The following TMEM151B variants were observed in gnomAD, a reference collection of about 807,000 sequenced individuals.
The protein encoded by TMEM151B is transmembrane protein 193.
TMEM151B carries 18 observed loss-of-function variants against 33.0 expected under a neutral mutation model. The observed-to-expected ratio is 0.55, with a 90% CI of 0.38 to 0.81. The LOEUF is 0.81. Ranked by LOEUF, TMEM151B falls within the 30% of genes least tolerant of loss-of-function variation. The probability of loss-of-function intolerance (pLI) is 0.00; values close to 1 mark genes in which losing one functional copy is unlikely to be tolerated. For synonymous variants in TMEM151B, 354 were observed against 373.6 expected (o/e 0.95, Z 0.61); for missense variants, 672 against 843.4 (o/e 0.80, Z 2.52).
At position 44,270,874 on chromosome 6, in the gene TMEM151B, G is replaced by A; in HGVS notation, c.132G>A (p.Glu44=). 2 of 1,092,708 alleles carry A rather than the reference G, an allele frequency of 1.8e-6. No homozygotes were observed. Among genetic ancestry groups the A allele is most frequent in the South Asian group, 4.3e-5 (1 of 23,112 alleles). 67.7% of individuals were successfully genotyped at this position (1,092,708 alleles called of 1,614,324 possible). The change falls in exon 1 of 3, where the codon GAG becomes GAA. Residue 44 remains glutamate (E), a synonymous_variant. Transcript: ENST00000451188. ...CGGCGGACGAGGGCCCCGCCCGAGA[G>A]GAGGTGAGAGTCTAGGGCGCCCCTT... ...AAAADEGPAR[E]EQRPIQPSFT... is the part of the protein sequence containing the mutation.
At chr6:44,275,301 C>G in intron 2 of TMEM151B, 102 bp from the exon 3 acceptor site, 2 of 1,431,168 alleles carry the variant, frequency 1.4e-6, no homozygotes, top group East Asian at 5.1e-5. Flanking sequence ...AGGGTCCGAC[C>G]AGGCAACCAG....
Position 44,276,065 on chromosome 6 carries a change from C to T in TMEM151B, c.1239C>T (p.Cys413=). 1 of 1,339,608 alleles carries T rather than the reference C, an allele frequency of 7.5e-7. No individual in the cohort carries two copies. The highest frequency in any genetic ancestry group is 9.5e-7 in the Non-Finnish European group (1 of 1,052,490). The allele number at this position is 1,339,608 out of a possible 1,614,324, so 83.0% of individuals were successfully genotyped here. A position where few individuals can be genotyped will look rare whatever the true frequency, so the allele number is the denominator to read the frequency against. Residue 413 remains cysteine (C), a synonymous_variant, in exon 3 of 3, where the codon TGC becomes TGT. Transcript: ENST00000451188. ...CAGGCGGCGGCTACGCGCCCTCGTG[C>T]CGCTACGGTGGGGTAGGCGGCCCGG... ...GGAGGGYAPS[C]RYGGVGGPGA...
chr6:44,276,220 G>C lies in TMEM151B; in HGVS notation c.1394G>C (p.Gly465Ala). 5 of 1,291,558 alleles carry C rather than the reference G, an allele frequency of 3.9e-6. No homozygotes were observed. Among genetic ancestry groups the C allele is most frequent in the East Asian group, 3.2e-5 (1 of 31,724 alleles). The allele number at this position is 1,291,558 out of a possible 1,614,324, so 80.0% of individuals were successfully genotyped here. Residue 465 changes from glycine to alanine, a missense_variant, in exon 3 of 3, where the codon GGG becomes GCG. Gly to Ala is a moderately conservative substitution (Grantham distance 60). Coordinates refer to ENST00000451188, the MANE Select transcript of TMEM151B (RefSeq NM_001137560.2). ...CCGCGGGCCGGCCCGGGGCCCGGTG[G>C]GGGCGCGGGCTGCGGGGGCAGCCGC... ...ASPRAGPGPG[G>A]GAGCGGSRFS...
chr6:44,276,581 G>C lies in TMEM151B; in HGVS notation c.*54G>C. The C allele has an allele frequency of 7.6e-7, 1 of 1,319,562 alleles. No individual in the cohort carries two copies. The highest frequency in any genetic ancestry group is 9.7e-7 in the Non-Finnish European group (1 of 1,034,044). 81.7% of individuals were successfully genotyped at this position (1,319,562 alleles called of 1,614,324 possible). A position where few individuals can be genotyped will look rare whatever the true frequency, so the allele number is the denominator to read the frequency against. Reference sequence around the variant, plus strand: ...CCTCCCGCCTGCCCCTCGCCGGACTGTGCTCCCTCTGCGACGCAGGGCGAG... The same window carrying C: ...CCTCCCGCCTGCCCCTCGCCGGACTCTGCTCCCTCTGCGACGCAGGGCGAG... On this transcript the variant is annotated 3_prime_UTR_variant, in exon 3 of 3. Coordinates refer to ENST00000451188, the MANE Select transcript of TMEM151B (RefSeq NM_001137560.2).
rs1782648174 is a variant in TMEM151B, at chr6:44,277,706, A to G, written c.*1179A>G. The G allele has an allele frequency of 6.6e-6, 1 of 152,190 alleles. No individual in the cohort carries two copies. The allele number at this position is 152,190 out of a possible 1,614,324, so 9.4% of individuals were successfully genotyped here. ...GCAGGGTCAGAGGCAAGCATTCTCT[A>G]AATCTTGCCCAACCCTTCCATCCTT... On this transcript the variant is annotated 3_prime_UTR_variant, in exon 3 of 3. Transcript: ENST00000451188.
Position 44,273,165 on chromosome 6 carries a change from G to T in TMEM151B, c.235G>T (p.Val79Leu). Residue 79 changes from valine (V) to leucine (L), a missense_variant, in exon 2 of 3, where the codon GTG (valine) becomes TTG (leucine). Coordinates refer to ENST00000451188, the MANE Select transcript of TMEM151B (RefSeq NM_001137560.2). ...SLLMYGCLGA[V>L]AWCHVTTVTR... ...GCTCATGTACGGCTGCCTGGGGGCA[G>T]TGGCCTGGTGCCACGTCACCACAGT... is the stretch of plus-strand genomic sequence containing the variant. The T allele has an allele frequency of 6.5e-7, 1 of 1,545,624 alleles. No individual in the cohort carries two copies.
At chr6:44,274,493 G>A (rs1280265729) in intron 2 of TMEM151B, among the ~76,000 whole-genome samples, 1 of 152,184 alleles carries the variant, frequency 6.6e-6, no homozygotes, top group African/African-American at 2.4e-5. Context: ...AGACATATTG[G>A]GGTCCTGGAG....
At chr6:44,272,570 A>T (rs1264238099) in intron 1 of TMEM151B, among the ~76,000 whole-genome samples, 1 of 152,044 alleles carries the variant, frequency 6.6e-6, no homozygotes, top group Non-Finnish European at 1.5e-5. Context: ...TTAAGTGGGG[A>T]AGTGATGTCA....
chr6:44,275,726 G>A lies in TMEM151B; in HGVS notation c.900G>A (p.Ser300=), dbSNP rs3734709. ...PARPPWYACS[S]AFWAAALLTL... is the part of the protein sequence containing the mutation. ...GGCCGCCCTGGTACGCCTGCTCGTC[G>A]GCCTTCTGGGCCGCGGCGCTGCTCA... Residue 300 remains serine, a synonymous_variant, in exon 3 of 3, where the codon TCG becomes TCA. Coordinates refer to ENST00000451188, the MANE Select transcript of TMEM151B (RefSeq NM_001137560.2). 71,292 of 1,548,462 alleles carry A rather than the reference G, an allele frequency of 0.046. 2,370 individuals are homozygous for A. The highest frequency in any genetic ancestry group is 0.19 in the East Asian group (7,926 of 40,844).
chr6:44,271,880 T>TTGTGTGTGTGTGTGTGTGTGTGTG (rs58355560), intron 1 of TMEM151B, among the ~76,000 whole-genome samples: 173 of 148,232 alleles, frequency 1.2e-3, no homozygotes, highest in African/African-American at 4.2e-3. Flanking sequence ...CAGCAGGAGG[T>TTGTGTGTGTGTGTGTGTGTGTGTG]TGTGTGTGTG....
Position 44,277,435 on chromosome 6 carries a change from T to C in TMEM151B, c.*908T>C, listed in dbSNP as rs578033991. 2 of 151,754 alleles carry C rather than the reference T, an allele frequency of 1.3e-5. No homozygotes were observed. Among genetic ancestry groups the C allele is most frequent in the East Asian group, 3.9e-4 (2 of 5,152 alleles). 9.4% of individuals were successfully genotyped at this position (151,754 alleles called of 1,614,324 possible). A position where few individuals can be genotyped will look rare whatever the true frequency, so the allele number is the denominator to read the frequency against. On this transcript the variant is annotated 3_prime_UTR_variant, in exon 3 of 3. Coordinates refer to ENST00000451188, the MANE Select transcript of TMEM151B (RefSeq NM_001137560.2). The stretch of plus-strand genomic sequence containing the variant: ...ACTCGTTAAAGCTGGCCAGCACGAG[T>C]GACTAAGGGGAGAGAGCATGACATA...
Position 44,277,905 on chromosome 6 carries a change from G to C in TMEM151B, c.*1378G>C, listed in dbSNP as rs915573295. On this transcript the variant is annotated 3_prime_UTR_variant, in exon 3 of 3. Transcript: ENST00000451188. ...CTGATGTGCTTCAGTGTGCATGTCT[G>C]TGAACAGCCCTCCTGCCCTGCCAAC... The C allele has an allele frequency of 3.9e-5, 6 of 152,700 alleles. No homozygotes were observed. The highest frequency in any genetic ancestry group is 1.2e-4 in the African/African-American group (5 of 41,434). The allele number at this position is 152,700 out of a possible 1,614,324, so 9.5% of individuals were successfully genotyped here. A position where few individuals can be genotyped will look rare whatever the true frequency, so the allele number is the denominator to read the frequency against.
At chr6:44,271,031 C>G (rs1237948064) in intron 1 of TMEM151B, among the ~76,000 whole-genome samples, 154 bp downstream of exon 1, 1 of 149,138 alleles carries the variant, frequency 6.7e-6, no homozygotes, top group Non-Finnish European at 1.5e-5. Context: ...CCGCCCCCAC[C>G]CGGCGGCCGG....
Position 44,276,348 on chromosome 6 carries a change from T to C in TMEM151B, c.1522T>C (p.Ser508Pro). The change falls in exon 3 of 3, where the codon TCC (serine) becomes CCC (proline). Residue 508 changes from serine (S) to proline (P), a missense_variant. Transcript: ENST00000451188. ...CTGCCCCACGGAGCAGACGCGGCTG[T>C]CCAGCCAGGCCAGCATGGGGGACGA... Reference protein sequence around the residue: ...ASCPTEQTRLSSQASMGDDED... With the variant: ...ASCPTEQTRLPSQASMGDDED... 6.7e-7 allele frequency: 1 copy of C among 1,497,392 alleles called. No individual in the cohort carries two copies. The highest frequency in any genetic ancestry group is 8.9e-7 in the Non-Finnish European group (1 of 1,128,256). The allele number at this position is 1,497,392 out of a possible 1,614,324, so 92.8% of individuals were successfully genotyped here. A position where few individuals can be genotyped will look rare whatever the true frequency, so the allele number is the denominator to read the frequency against.
chr6:44,270,729 G>A lies in TMEM151B; in HGVS notation c.-14G>A. 1.9e-6 allele frequency: 2 copies of A among 1,069,426 alleles called. No individual in the cohort carries two copies. Among genetic ancestry groups the A allele is most frequent in the Non-Finnish European group, 2.3e-6 (2 of 871,222 alleles). The allele number at this position is 1,069,426 out of a possible 1,614,324, so 66.2% of individuals were successfully genotyped here. On this transcript the variant is annotated 5_prime_UTR_variant, in exon 1 of 3. Transcript: ENST00000451188. The stretch of plus-strand genomic sequence containing the variant: ...CCCCGGGAGGTCCTGAGCTCGACGC[G>A]CCCCCTCTACGCCATGTCCCCCCCT...
rs1329556213 is a variant in TMEM151B, at chr6:44,273,250, C to T, written c.320C>T (p.Pro107Leu). ...AACAGCCTCATGTACCATGACAGCCCCTGCTCCAACGGCTATGTCTACATC... is the reference window on the plus strand; with the variant it reads ...AACAGCCTCATGTACCATGACAGCCTCTGCTCCAACGGCTATGTCTACATC... Reference protein sequence around the residue: ...QGNSLMYHDSPCSNGYVYIPL... With the variant: ...QGNSLMYHDSLCSNGYVYIPL... Residue 107 changes from proline to leucine, a missense_variant, in exon 2 of 3, where the codon CCC (proline) becomes CTC (leucine). Pro to Leu is a moderately conservative substitution (Grantham distance 98). This residue lies in a region of TMEM151B where 285 missense variants were observed against 423.1 expected (regional missense o/e 0.67). Transcript: ENST00000451188. 6.4e-7 allele frequency: 1 copy of T among 1,551,684 alleles called. No individual in the cohort carries two copies. Among genetic ancestry groups the T allele is most frequent in the Non-Finnish European group, 8.7e-7 (1 of 1,146,926 alleles).
Position 44,271,007 on chromosome 6 carries a change from C to G in TMEM151B, c.135+130C>G, listed in dbSNP as rs956416654. ...CGCACCCCGAGCCGGCCGCTGCAGC[C>G]GCAGTCCGCGCCGCCGCCCCCACCC... On this transcript the variant is annotated intron_variant, in intron 1 of 2. Transcript: ENST00000451188. 7 of 598,336 alleles carry G rather than the reference C, an allele frequency of 1.2e-5. No individual in the cohort carries two copies. In the African/African-American group the frequency reaches 1.2e-4, roughly 10 times the overall value. 37.1% of individuals were successfully genotyped at this position (598,336 alleles called of 1,614,324 possible).
At chr6:44,271,880 T>TTGTG (rs58355560) in intron 1 of TMEM151B, among the ~76,000 whole-genome samples, 23,114 of 147,958 alleles carry the variant, frequency 0.16, 1,881 homozygotes, top group Non-Finnish European at 0.18. Context: ...CAGCAGGAGG[T>TTGTG]TGTGTGTGTG....
rs1168269355 is a variant in TMEM151B, at chr6:44,276,182, C to T, written c.1356C>T (p.Ser452=). 1.3e-5 allele frequency: 17 copies of T among 1,298,602 alleles called. No individual in the cohort carries two copies. The Admixed American group carries it at 7.2e-4, about 55-fold the overall frequency. The allele number at this position is 1,298,602 out of a possible 1,614,324, so 80.4% of individuals were successfully genotyped here. Residue 452 remains serine (S), a synonymous_variant, in exon 3 of 3, where the codon AGC becomes AGT. Transcript: ENST00000451188. Reference sequence around the variant, plus strand: ...CTATCTTCTCGCGCAGCGCCCTAAGCATCTGCGCCAGCCCGCGGGCCGGCC... The same window carrying T: ...CTATCTTCTCGCGCAGCGCCCTAAGTATCTGCGCCAGCCCGCGGGCCGGCC... The part of the protein sequence containing the change: ...SSSIFSRSAL[S]ICASPRAGPG...
Sources: allele counts gnomAD v4.1 joint callset (sites outside exome capture counted in the v4.1 genomes callset), GRCh38; gene constraint gnomAD v4.1.1; regional missense constraint gnomAD v4.1.1; transcripts MANE v1.5; gene names NCBI Gene and HGNC (gene_info 2026-07-23, HGNC 2026-07-21).